Variants in CNKSR2 observed in about 807,000 individuals in gnomAD.
CNKSR2 encodes the protein connector enhancer of kinase suppressor of Ras 2, also known as CNK homolog protein 2.
Under a neutral mutation model 84.4 loss-of-function variants are expected in CNKSR2, and 14 were observed. That is an observed-to-expected ratio of 0.17 (90% CI 0.11 to 0.26). The LOEUF is 0.26. CNKSR2 is among the 10% of genes least tolerant of loss of function. CNKSR2 has a pLI of 1.00. For synonymous variants in CNKSR2, 275 were observed against 277.9 expected, an observed-to-expected ratio of 0.99 and a Z score of 0.10; for missense variants, 485 against 771.2, an observed-to-expected ratio of 0.63 and a Z score of 4.40.
At chrX:21,434,235 A>G (rs551275062) in intron 3 of CNKSR2, among the ~76,000 whole-genome samples, 3 of 111,492 alleles carry the variant, frequency 2.7e-5, no homozygotes, top group African/African-American at 9.7e-5. Flanking sequence ...TTACCCTAGT[A>G]TTTGTTAGAT....
At chrX:21,606,693 T>C (rs2092519028) in intron 18 of CNKSR2, 86 bp from the exon 19 acceptor site, 2 of 585,307 alleles carry the variant, frequency 3.4e-6, no homozygotes, top group Admixed American at 6.8e-5. Context: ...TAAATTTCCT[T>C]TTTTTAAATG....
At chrX:21,598,761 C>T (rs2092464009) in intron 17 of CNKSR2, among the ~76,000 whole-genome samples, 1 of 112,332 alleles carries the variant, frequency 8.9e-6, no homozygotes, top group African/African-American at 3.2e-5. Flanking sequence ...TGTTTATCTC[C>T]GTCACTAAGA....
intron 4 of CNKSR2, among the ~76,000 whole-genome samples, chrX:21,459,018 CTTT>C (rs35121561): frequency 2.3e-5 from 2 of 88,532 alleles, no homozygotes; most frequent in Non-Finnish European, 4.4e-5. Context: ...ATTCTTCATC[CTTT>C]TTTTTTTTTT....
At chrX:21,612,869 T>A (rs780465783) in intron 20 of CNKSR2, among the ~76,000 whole-genome samples, 1 of 112,105 alleles carries the variant, frequency 8.9e-6, no homozygotes, top group Non-Finnish European at 1.9e-5. Flanking sequence ...TGAACTACCT[T>A]TTGCCTTATT....
At chrX:21,561,343 A>C in intron 11 of CNKSR2, 128 bp from the exon 12 acceptor site, 1 of 555,338 alleles carries the variant, frequency 1.8e-6, no homozygotes, top group Non-Finnish European at 3.1e-6. Flanking sequence ...CTCCATCTAC[A>C]CAAATGCCAA....
At chrX:21,606,029 A>G (rs2092514521) in intron 18 of CNKSR2, among the ~76,000 whole-genome samples, 1 of 111,440 alleles carries the variant, frequency 9.0e-6, no homozygotes, top group Admixed American at 9.5e-5. Context: ...CATTTGACTT[A>G]CTCTAGTAAT....
intron 17 of CNKSR2, among the ~76,000 whole-genome samples, chrX:21,598,258 ACAT>A (rs2092461371): frequency 9.0e-6 from 1 of 111,112 alleles, no homozygotes; most frequent in African/African-American, 3.3e-5. Flanking sequence ...ATAAAATAAA[ACAT>A]CATAGTACTC....
chrX:21,644,749 ATTTTTCCTTGGG>A, intron 20 of CNKSR2: 1 of 111,199 alleles, frequency 9.0e-6, no homozygotes, highest in Middle Eastern at 4.6e-3. Flanking sequence ...AAGCATTGGA[ATTTTTCCTTGGG>A]TTTTATCTCT....
At chrX:21,451,761 A>C (rs2051759471) in intron 4 of CNKSR2, among the ~76,000 whole-genome samples, 3 of 106,585 alleles carry the variant, frequency 2.8e-5, no homozygotes, top group Admixed American at 1.0e-4. Flanking sequence ...TGACGAGTTA[A>C]TGGGTGCAGC....
chrX:21,452,770 T>TATTTC (rs1470998938), intron 4 of CNKSR2, among the ~76,000 whole-genome samples: 1 of 98,013 alleles, frequency 1.0e-5, no homozygotes, highest in African/African-American at 3.8e-5. Flanking sequence ...TATTTTATTT[T>TATTTC]ATTTTATTTT....
At chrX:21,520,205 T>C (rs1014811131) in intron 9 of CNKSR2, among the ~76,000 whole-genome samples, 1 of 111,531 alleles carries the variant, frequency 9.0e-6, no homozygotes, top group Admixed American at 9.5e-5. Context: ...TTCTCAAATA[T>C]TTTGTGATAG....
intron 3 of CNKSR2, among the ~76,000 whole-genome samples, chrX:21,436,009 C>G (rs1184287850): frequency 3.6e-5 from 4 of 111,302 alleles, no homozygotes; most frequent in Non-Finnish European, 5.7e-5. Flanking sequence ...AATTTTTTGT[C>G]TTATGTAAGA....
intron 11 of CNKSR2, among the ~76,000 whole-genome samples, chrX:21,535,389 A>AT (rs201168531): frequency 0.044 from 4,883 of 109,967 alleles, 311 homozygotes; most frequent in African/African-American, 0.15. Flanking sequence ...CAAATTTTGG[A>AT]TTTTTTTTCT....
Position 21,589,685 on chromosome X carries a change from A to G in CNKSR2, c.1609-887A>G, listed in dbSNP as rs186132723. On this transcript the variant is annotated intron_variant, in intron 13 of 21. Transcript: ENST00000379510. ...TTTCTCTAGACATATCAAGCTCTTC[A>G]GGTACTTAGCATGGAGTGAACAGAC... Among the ~76,000 whole-genome samples the G allele has an allele frequency of 1.1e-3, 118 of 111,858 alleles. 3 individuals carry two copies. The highest frequency in any genetic ancestry group is 3.6e-3 in the African/African-American group (111 of 30,872).
chrX:21,517,862 A>AT (rs964697460), intron 9 of CNKSR2, among the ~76,000 whole-genome samples: 2 of 111,267 alleles, frequency 1.8e-5, no homozygotes, highest in African/African-American at 3.3e-5. Flanking sequence ...TTATTCATAG[A>AT]TTTTTTTTCC....
At chrX:21,454,813 A>G (rs768122709) in intron 4 of CNKSR2, among the ~76,000 whole-genome samples, 1 of 112,094 alleles carries the variant, frequency 8.9e-6, no homozygotes, top group South Asian at 3.7e-4. Flanking sequence ...CAAATATACC[A>G]TCTCATTTGG....
At chrX:21,608,211 C>T (rs756121235) in intron 19 of CNKSR2, 2 of 110,820 alleles carry the variant, frequency 1.8e-5, no homozygotes, top group South Asian at 7.8e-4. Context: ...CACCTCAGTC[C>T]GGTGTGTCCT....
Position 21,374,938 on chromosome X carries a change from G to C in CNKSR2, c.41G>C (p.Ser14Thr). The change falls in exon 1 of 22, where the codon AGT (serine) becomes ACT (threonine). Residue 14 changes from serine (S) to threonine (T), a missense_variant. Coordinates refer to ENST00000379510, the MANE Select transcript of CNKSR2 (RefSeq NM_014927.5). ...IMEPVSKWSP[S>T]QVVDWMKGLD... is the part of the protein sequence containing the mutation. ...GAACCGGTGAGCAAATGGTCTCCGA[G>C]TCAAGTAGTGGACTGGATGAAAGGT... 8.3e-7 allele frequency: 1 copy of C among 1,209,592 alleles called. No homozygotes were observed. The highest frequency in any genetic ancestry group is 1.1e-6 in the Non-Finnish European group (1 of 893,216).
chrX:21,628,923 A>G (rs1299234581), intron 20 of CNKSR2, among the ~76,000 whole-genome samples: 2 of 112,300 alleles, frequency 1.8e-5, no homozygotes, highest in Non-Finnish European at 3.8e-5. Flanking sequence ...TTTCTTTTCT[A>G]TCACTTATCA....
Sources: allele counts gnomAD v4.1 joint callset (sites outside exome capture counted in the v4.1 genomes callset), GRCh38; gene constraint gnomAD v4.1.1; transcripts MANE v1.5; gene names NCBI Gene and HGNC (gene_info 2026-07-23, HGNC 2026-07-21).